TMTC3: variants seen among roughly 807,000 people sequenced by gnomAD.
The protein encoded by TMTC3 is transmembrane O-mannosyltransferase targeting cadherins 3.
A neutral mutation model predicts 92.2 loss-of-function variants in TMTC3; 52 were observed. The ratio of observed to expected loss-of-function variants is 0.56; its 90% CI spans 0.45 to 0.71. The LOEUF is 0.71. Among genes scored for constraint, TMTC3 ranks in the 30% least tolerant of loss-of-function variants. The probability of loss-of-function intolerance (pLI) is 0.00; values close to 1 mark genes in which losing one functional copy is unlikely to be tolerated. For synonymous variants in TMTC3, 339 were observed against 363.3 expected (o/e 0.93, Z 0.76); for missense variants, 896 against 1,057.1 (o/e 0.85, Z 2.11).
chr12:88,178,716 T>C (rs1474889648), intron 10 of TMTC3, among the ~76,000 whole-genome samples: 3 of 152,216 alleles, frequency 2.0e-5, no homozygotes, highest in African/African-American at 7.2e-5. Context: ...AGATGTGCAA[T>C]GCATGGATTA....
intron 11 of TMTC3, 60 bp from the exon 12 acceptor site, chr12:88,190,393 G>A (rs1037348165): frequency 8.1e-5 from 120 of 1,487,124 alleles, no homozygotes; most frequent in Non-Finnish European, 1.1e-4. Context: ...ATAGGAATAT[G>A]TACTTTTGAT....
chr12:88,146,591 T>TG (rs1555231455), intron 1 of TMTC3, among the ~76,000 whole-genome samples: 1 of 143,070 alleles, frequency 7.0e-6, no homozygotes, highest in Non-Finnish European at 1.5e-5. Flanking sequence ...ACCTATATAT[T>TG]TGTGTGTGTG....
intron 1 of TMTC3, among the ~76,000 whole-genome samples, chr12:88,143,650 G>A (rs2040822538): frequency 6.6e-6 from 1 of 152,120 alleles, no homozygotes; most frequent in Non-Finnish European, 1.5e-5. Context: ...AATTTTGTAA[G>A]TGTTTACTCA....
intron 7 of TMTC3, among the ~76,000 whole-genome samples, chr12:88,168,870 G>A (rs2041174917): frequency 6.6e-6 from 1 of 152,188 alleles, no homozygotes; most frequent in Non-Finnish European, 1.5e-5. Context: ...TTAGAAAGTG[G>A]TTAATAAATT....
intron 1 of TMTC3, among the ~76,000 whole-genome samples, chr12:88,145,530 C>T (rs539200422): frequency 1.3e-5 from 2 of 151,962 alleles, no homozygotes; most frequent in Non-Finnish European, 2.9e-5. Context: ...AGGGACATGC[C>T]GAAAAGAAAT....
chr12:88,181,286 A>G (rs1161565818), intron 10 of TMTC3, among the ~76,000 whole-genome samples: 1 of 152,244 alleles, frequency 6.6e-6, no homozygotes, highest in Non-Finnish European at 1.5e-5. Context: ...TAAGTTTTCC[A>G]AATTCAAGGA....
At chr12:88,150,439 C>T (rs1307963877) in intron 2 of TMTC3, among the ~76,000 whole-genome samples, 1 of 152,178 alleles carries the variant, frequency 6.6e-6, no homozygotes, top group Non-Finnish European at 1.5e-5. Context: ...GGGACACACA[C>T]ATATCACATA....
Position 88,190,532 on chromosome 12 carries a change from G to A in TMTC3, c.1616G>A (p.Arg539Gln), listed in dbSNP as rs770812602. 6.4e-5 allele frequency: 103 copies of A among 1,613,636 alleles called. No homozygotes were observed. Among genetic ancestry groups the A allele is most frequent in the Non-Finnish European group, 8.4e-5 (99 of 1,179,932 alleles). The change falls in exon 12 of 14, where the codon CGA becomes CAA. Residue 539 changes from arginine (R) to glutamine (Q), a missense_variant. Coordinates refer to ENST00000266712, the MANE Select transcript of TMTC3 (RefSeq NM_181783.4). ...TATATCAATCTGGCTAACCTGATCCGAGCAAATGAGTCCCGACTGGAAGAA... is the reference window on the plus strand; with the variant it reads ...TATATCAATCTGGCTAACCTGATCCAAGCAAATGAGTCCCGACTGGAAGAA... Reference protein sequence around the residue: ...NVYINLANLIRANESRLEEAD... With the variant: ...NVYINLANLIQANESRLEEAD...
At chr12:88,153,554 C>G in intron 3 of TMTC3, 45 bp downstream of exon 3, 2 of 1,169,880 alleles carry the variant, frequency 1.7e-6, no homozygotes, top group Non-Finnish European at 2.5e-6. Flanking sequence ...TCCTTTTTTA[C>G]AAATCCTGCA....
chr12:88,174,443 G>C (rs1321766421), intron 8 of TMTC3, among the ~76,000 whole-genome samples, 164 bp from the exon 9 acceptor site: 2 of 151,860 alleles, frequency 1.3e-5, no homozygotes, highest in Non-Finnish European at 1.5e-5. Flanking sequence ...AATTTTTTTG[G>C]TGTTGTATCC....
chr12:88,144,069 A>G (rs1294273595), intron 1 of TMTC3, among the ~76,000 whole-genome samples: 1 of 152,168 alleles, frequency 6.6e-6, no homozygotes, highest in East Asian at 1.9e-4. Context: ...CAGACGTCCC[A>G]CCTTTCTCGC....
intron 6 of TMTC3, among the ~76,000 whole-genome samples, chr12:88,162,755 A>T (rs1258434564): frequency 1.3e-5 from 2 of 152,004 alleles, no homozygotes; most frequent in African/African-American, 2.4e-5. Context: ...TCTCTTCATT[A>T]TAGGTTGTAT....
intron 4 of TMTC3, among the ~76,000 whole-genome samples, chr12:88,159,509 A>C (rs1365338684): frequency 6.6e-6 from 1 of 152,068 alleles, no homozygotes; most frequent in Non-Finnish European, 1.5e-5. Flanking sequence ...GAAATAAAAA[A>C]AAAAATAGCC....
intron 4 of TMTC3, among the ~76,000 whole-genome samples, chr12:88,156,379 G>T (rs74681365): frequency 0.012 from 1,877 of 152,246 alleles, 51 homozygotes; most frequent in African/African-American, 0.043. Context: ...TCCAGGTTCC[G>T]CAGAGCTGCT....
At chr12:88,150,626 C>T (rs1202971916) in intron 2 of TMTC3, among the ~76,000 whole-genome samples, 1 of 152,050 alleles carries the variant, frequency 6.6e-6, no homozygotes, top group South Asian at 2.1e-4. Context: ...TGTGTAGTTT[C>T]CTTGTATTTT....
chr12:88,175,840 C>G (rs1373372373), intron 9 of TMTC3, among the ~76,000 whole-genome samples: 2 of 152,154 alleles, frequency 1.3e-5, no homozygotes, highest in Non-Finnish European at 2.9e-5. Flanking sequence ...TTAAATATGT[C>G]AAGTCTAAAA....
chr12:88,153,251 C>T (rs1385039919), intron 2 of TMTC3, 40 bp from the exon 3 acceptor site: 1 of 1,462,626 alleles, frequency 6.8e-7, no homozygotes, highest in Admixed American at 1.8e-5. Context: ...CCTGTTGGAC[C>T]AAGGTACTTT....
intron 2 of TMTC3, among the ~76,000 whole-genome samples, chr12:88,151,669 C>A (rs1170987867): frequency 6.6e-6 from 1 of 151,234 alleles, no homozygotes; most frequent in East Asian, 1.9e-4. Flanking sequence ...ATGTATACTG[C>A]AATTCAAAAT....
chr12:88,172,282 G>A (rs1359999520), intron 7 of TMTC3, among the ~76,000 whole-genome samples: 1 of 151,922 alleles, frequency 6.6e-6, no homozygotes, highest in Admixed American at 6.6e-5. Context: ...ATTTCAAGGA[G>A]TAATCACTCC....
Sources: gnomAD v4.1 joint callset for allele counts (sites outside exome capture counted in the v4.1 genomes callset) on GRCh38, gnomAD v4.1.1 for gene constraint, MANE v1.5 for transcripts, NCBI Gene and HGNC (gene_info 2026-07-23, HGNC 2026-07-21) for gene names.